ABCB1: variants seen among roughly 807,000 people sequenced by gnomAD.
ABCB1 encodes ATP-dependent translocase ABCB1.
Under a neutral mutation model 142.0 loss-of-function variants are expected in ABCB1, and 69 were observed. The observed-to-expected ratio is 0.49, with a 90% CI of 0.40 to 0.59. The LOEUF (loss-of-function observed/expected upper bound fraction) is 0.59, where lower values mean the gene tolerates loss of function less well. Among genes scored for constraint, ABCB1 ranks in the 20% least tolerant of loss-of-function variants. The pLI, the probability that ABCB1 is intolerant of heterozygous loss-of-function variation, is 0.00. For missense variants in ABCB1, 1,326 were observed against 1,554.7 expected, an observed-to-expected ratio of 0.85 and a Z score of 2.47; for synonymous variants, 532 against 539.2, an observed-to-expected ratio of 0.99 and a Z score of 0.18.
At chr7:87,528,280 G>A (rs1023797637) in intron 21 of ABCB1, among the ~76,000 whole-genome samples, 5 of 152,082 alleles carry the variant, frequency 3.3e-5, no homozygotes, top group Non-Finnish European at 5.9e-5. Flanking sequence ...TATATGGTCT[G>A]TAAGTGTTTG....
At chr7:87,695,133 T>A (rs1267037403) in intron 1 of ABCB1, among the ~76,000 whole-genome samples, 3 of 152,152 alleles carry the variant, frequency 2.0e-5, no homozygotes, top group Non-Finnish European at 1.5e-5. Flanking sequence ...TTCCTCAGAT[T>A]CAATTTAAAG....
chr7:87,611,774 G>T (rs766931922), intron 1 of ABCB1, among the ~76,000 whole-genome samples: 5 of 151,852 alleles, frequency 3.3e-5, no homozygotes, highest in South Asian at 2.1e-4. Context: ...AAATAATCAG[G>T]GTATGAAGTT....
chr7:87,568,266 T>TAATAATAATAATAA (rs377151956), intron 5 of ABCB1, among the ~76,000 whole-genome samples: 1,582 of 145,630 alleles, frequency 0.011, 15 homozygotes, highest in Middle Eastern at 0.026. Flanking sequence ...ATAATAATAA[T>TAATAATAATAATAA]AAAAATTAGC....
chr7:87,623,317 T>C (rs1034282291), intron 1 of ABCB1, among the ~76,000 whole-genome samples: 1 of 152,240 alleles, frequency 6.6e-6, no homozygotes, highest in Non-Finnish European at 1.5e-5. Flanking sequence ...AAATATCCTC[T>C]GTTCGAACTG....
chr7:87,629,311 A>T, intron 1 of ABCB1: 1 of 191,786 alleles, frequency 5.2e-6, no homozygotes, highest in Non-Finnish European at 1.1e-5. Context: ...ATAAAGTGGT[A>T]GTTACTGTGA....
intron 1 of ABCB1, among the ~76,000 whole-genome samples, chr7:87,677,274 A>AACACACACACAC (rs57009840): frequency 5.2e-5 from 7 of 135,896 alleles, no homozygotes; most frequent in African/African-American, 1.7e-4. Context: ...CAGTGTATAT[A>AACACACACACAC]ACACACACAC....
chr7:87,575,051 C>T (rs1173679374), intron 4 of ABCB1, among the ~76,000 whole-genome samples: 3 of 152,130 alleles, frequency 2.0e-5, no homozygotes, highest in Non-Finnish European at 4.4e-5. Flanking sequence ...ACAAGTGTCT[C>T]ACATATTTTA....
At chr7:87,674,372 G>C (rs1826119119) in intron 1 of ABCB1, among the ~76,000 whole-genome samples, 1 of 152,118 alleles carries the variant, frequency 6.6e-6, no homozygotes, top group Non-Finnish European at 1.5e-5. Context: ...GCAGGGGTGT[G>C]GTTGCTGGTA....
At chr7:87,646,414 T>C (rs983088878) in intron 1 of ABCB1, among the ~76,000 whole-genome samples, 3 of 152,202 alleles carry the variant, frequency 2.0e-5, no homozygotes, top group Non-Finnish European at 2.9e-5. Flanking sequence ...TAGATTTTTA[T>C]TTTTGATGAA....
intron 4 of ABCB1, among the ~76,000 whole-genome samples, chr7:87,581,342 C>T (rs1333046002): frequency 6.6e-6 from 1 of 152,090 alleles, no homozygotes; most frequent in East Asian, 1.9e-4. Flanking sequence ...CTGCCGTCTT[C>T]ACCACAACAC....
At chr7:87,546,981 A>G (rs1816810631) in intron 14 of ABCB1, among the ~76,000 whole-genome samples, 1 of 152,224 alleles carries the variant, frequency 6.6e-6, no homozygotes, top group Non-Finnish European at 1.5e-5. Context: ...ATAGTTAGTG[A>G]TACTTATTCC....
chr7:87,578,732 C>G (rs1767024734), intron 4 of ABCB1, among the ~76,000 whole-genome samples: 1 of 138,744 alleles, frequency 7.2e-6, no homozygotes, highest in Non-Finnish European at 1.5e-5. Context: ...CTCGCTCTGT[C>G]GCCCAGGCTG....
chr7:87,600,026 A>G (rs1819379220), intron 2 of ABCB1, 91 bp downstream of exon 2: 1 of 1,242,820 alleles, frequency 8.0e-7, no homozygotes, highest in Admixed American at 2.0e-5. Flanking sequence ...TAAAAACAAC[A>G]ACATGTCATT....
At chr7:87,650,974 C>A in intron 1 of ABCB1, 1 of 1,212,744 alleles carries the variant, frequency 8.2e-7, no homozygotes. Context: ...TTCCCACCAG[C>A]TGTCTTTATA....
intron 1 of ABCB1, among the ~76,000 whole-genome samples, chr7:87,630,420 C>T (rs766592798): frequency 2.0e-5 from 3 of 152,028 alleles, no homozygotes; most frequent in Non-Finnish European, 4.4e-5. Context: ...TTTAATTTGC[C>T]GTTTGTGCTG....
chr7:87,661,173 A>AT (rs1036686444), intron 1 of ABCB1, among the ~76,000 whole-genome samples: 1 of 151,778 alleles, frequency 6.6e-6, no homozygotes. Context: ...GGTACATGAG[A>AT]TTTTTTTACA....
intron 1 of ABCB1, among the ~76,000 whole-genome samples, chr7:87,644,650 T>C (rs1360666650): frequency 6.6e-6 from 1 of 152,158 alleles, no homozygotes; most frequent in Non-Finnish European, 1.5e-5. Flanking sequence ...ATCTATTTTA[T>C]TTGAACATTT....
At chr7:87,556,492 A>G (rs1035201789) in intron 8 of ABCB1, among the ~76,000 whole-genome samples, 1 of 152,234 alleles carries the variant, frequency 6.6e-6, no homozygotes, top group African/African-American at 2.4e-5. Context: ...CAATTACTTT[A>G]TGTAGAAGCA....
chr7:87,614,333 G>A (rs1286736826), intron 1 of ABCB1, among the ~76,000 whole-genome samples: 1 of 151,966 alleles, frequency 6.6e-6, no homozygotes, highest in African/African-American at 2.4e-5. Flanking sequence ...GAAATTTGAG[G>A]TTACAGTGAG....
Sources: gnomAD v4.1 joint callset for allele counts (sites outside exome capture counted in the v4.1 genomes callset) on GRCh38, gnomAD v4.1.1 for gene constraint, MANE v1.5 for transcripts, NCBI Gene and HGNC (gene_info 2026-07-23, HGNC 2026-07-21) for gene names.